The following TP63 variants were observed in gnomAD, a reference collection of about 807,000 sequenced individuals.
The protein encoded by TP63 is tumor protein 63.
TP63 carries 17 observed loss-of-function variants against 82.8 expected under a neutral mutation model. The observed-to-expected ratio is 0.21, with a 90% CI of 0.14 to 0.31. TP63 has a LOEUF of 0.31. Among genes scored for constraint, TP63 ranks in the 10% least tolerant of loss-of-function variants. TP63 has a pLI of 1.00. For missense variants in TP63, 648 were observed against 895.3 expected (o/e 0.72, Z 3.52); for synonymous variants, 330 against 321.7 (o/e 1.03, Z -0.28).
intron 4 of TP63, among the ~76,000 whole-genome samples, chr3:189,836,456 A>G (rs756444954): frequency 2.6e-5 from 4 of 152,186 alleles, no homozygotes; most frequent in Non-Finnish European, 5.9e-5. Flanking sequence ...TGGGCAAAGC[A>G]AAGCGTTTTT....
At chr3:189,601,323 G>A in the TP63 span, among the ~76,000 whole-genome samples, 1 of 152,112 alleles carries the variant, frequency 6.6e-6, no homozygotes, top group African/African-American at 2.4e-5. Flanking sequence ...CTTCAGAAAT[G>A]TCCACATCTA....
At chr3:189,603,650 TAA>T in the TP63 span, among the ~76,000 whole-genome samples, 11,626 of 50,704 alleles carry the variant, frequency 0.23, 1,259 homozygotes, top group Admixed American at 0.32. Flanking sequence ...TTGCCTTCAT[TAA>T]AAAAAAAAAA....
intron 1 of TP63, among the ~76,000 whole-genome samples, chr3:189,655,787 A>G (rs1286716121): frequency 6.6e-6 from 1 of 152,114 alleles, no homozygotes; most frequent in Non-Finnish European, 1.5e-5. Flanking sequence ...ACCCCTTGAC[A>G]CTTCAGTCTT....
intron 1 of TP63, among the ~76,000 whole-genome samples, chr3:189,703,705 C>G (rs1472730709): frequency 6.6e-6 from 1 of 152,182 alleles, no homozygotes; most frequent in Non-Finnish European, 1.5e-5. Context: ...ATTTTGGTCA[C>G]AGCATTGTCA....
rs180749093 is a variant in TP63, at chr3:189,634,714, T to C, written c.62+3137T>C. 1.2e-3 allele frequency among the ~76,000 whole-genome samples: 179 copies of C among 152,218 alleles called. 3 individuals are homozygous for C. Among genetic ancestry groups the C allele is most frequent in the Middle Eastern group, 6.8e-3 (2 of 294 alleles). On this transcript the variant is annotated intron_variant, in intron 1 of 13. Coordinates refer to ENST00000264731, the MANE Select transcript of TP63 (RefSeq NM_003722.5). ...ACTTAATTTTTAAAATATTGAACTATAGATGAAATTATAAAAGTTCAATAA... is the reference window on the plus strand; with the variant it reads ...ACTTAATTTTTAAAATATTGAACTACAGATGAAATTATAAAAGTTCAATAA...
rs1461839646 is a variant in TP63 at position 189,895,956 on chromosome 3, G to A, written c.*1454G>A. 4.4e-6 allele frequency: 1 copy of A among 229,558 alleles called. No individual in the cohort carries two copies. The highest frequency in any genetic ancestry group is 6.2e-5 in the East Asian group (1 of 16,092). The allele number at this position is 229,558 out of a possible 1,614,324, so 14.2% of individuals were successfully genotyped here. On this transcript the variant is annotated 3_prime_UTR_variant, in exon 14 of 14. Coordinates refer to ENST00000264731, the MANE Select transcript of TP63 (RefSeq NM_003722.5). ...CCATCTCCCTTAGGGACTACCCATA[G>A]ACATGAAAGGTCCCCACAGAGCAAG... is the stretch of plus-strand genomic sequence containing the variant.
At chr3:189,690,578 A>G (rs1285166301) in intron 1 of TP63, among the ~76,000 whole-genome samples, 1 of 152,216 alleles carries the variant, frequency 6.6e-6, no homozygotes, top group African/African-American at 2.4e-5. Flanking sequence ...TCCTATAGAC[A>G]CATTTATTTG....
intron 1 of TP63, among the ~76,000 whole-genome samples, chr3:189,711,871 T>C (rs1718620578): frequency 6.6e-6 from 1 of 152,090 alleles, no homozygotes; most frequent in Non-Finnish European, 1.5e-5. Context: ...AAGGCGGAGA[T>C]AGGTAGGCTG....
At chr3:189,708,633 G>A (rs1487122494) in intron 1 of TP63, among the ~76,000 whole-genome samples, 1 of 152,106 alleles carries the variant, frequency 6.6e-6, no homozygotes, top group African/African-American at 2.4e-5. Context: ...GGAAGCACGT[G>A]CAAGGGTGCT....
At chr3:189,603,964 T>C in the TP63 span, among the ~76,000 whole-genome samples, 1 of 152,146 alleles carries the variant, frequency 6.6e-6, no homozygotes, top group Non-Finnish European at 1.5e-5. Context: ...GCCAAGTTTC[T>C]ATTGATAATT....
At chr3:189,750,926 A>G (rs140216199) in intron 3 of TP63, among the ~76,000 whole-genome samples, 4,849 of 152,148 alleles carry the variant, frequency 0.032, 209 homozygotes, top group East Asian at 0.15. Flanking sequence ...CCATCAACTA[A>G]TCATTTGTAT....
At chr3:189,663,216 C>T (rs566197651) in intron 1 of TP63, among the ~76,000 whole-genome samples, 17 of 152,030 alleles carry the variant, frequency 1.1e-4, no homozygotes, top group African/African-American at 4.1e-4. Flanking sequence ...AATACTTTTA[C>T]GACATTGAGT....
At chr3:189,883,125 T>C (rs966925017) in intron 10 of TP63, among the ~76,000 whole-genome samples, 3 of 152,188 alleles carry the variant, frequency 2.0e-5, no homozygotes, top group Non-Finnish European at 4.4e-5. Context: ...TCCTTCTCTT[T>C]AGTTTCTCCA....
chr3:189,830,857 A>C (rs1260152747), intron 4 of TP63, among the ~76,000 whole-genome samples: 1 of 152,256 alleles, frequency 6.6e-6, no homozygotes, highest in Non-Finnish European at 1.5e-5. Flanking sequence ...GAAGGGAATG[A>C]ATATGTAAAG....
intron 4 of TP63, among the ~76,000 whole-genome samples, chr3:189,815,818 A>G (rs1245227643): frequency 6.6e-6 from 1 of 152,208 alleles, no homozygotes; most frequent in Non-Finnish European, 1.5e-5. Context: ...TTTATTCACA[A>G]GTAATAATTC....
At chr3:189,786,661 A>T in intron 3 of TP63, among the ~76,000 whole-genome samples, 1 of 151,916 alleles carries the variant, frequency 6.6e-6, no homozygotes, top group East Asian at 1.9e-4. Context: ...CAGCGCCGCC[A>T]TTTTTACCCA....
chr3:189,640,040 A>C (rs924115658), intron 1 of TP63, among the ~76,000 whole-genome samples: 7 of 151,860 alleles, frequency 4.6e-5, no homozygotes, highest in Middle Eastern at 3.2e-3. Flanking sequence ...CTTCTTTATT[A>C]TTTTCTGGCT....
intron 4 of TP63, among the ~76,000 whole-genome samples, chr3:189,822,414 T>G (rs1728889648): frequency 6.6e-6 from 1 of 152,160 alleles, no homozygotes; most frequent in Non-Finnish European, 1.5e-5. Context: ...TCCTGAGGGT[T>G]TAATCTGAAA....
At position 189,895,375 on chromosome 3, in the gene TP63, A is replaced by G. The variant is rs1232866982; in HGVS notation, c.*873A>G. 9.2e-6 allele frequency: 2 copies of G among 216,950 alleles called. No homozygotes were observed. The highest frequency in any genetic ancestry group is 1.9e-5 in the Non-Finnish European group (2 of 107,844). The allele number at this position is 216,950 out of a possible 1,614,324, so 13.4% of individuals were successfully genotyped here. ...CATATCAGTAACCCCCTTAAATTTA[A>G]TACCAGATACCTTATCTTACAATAT... On this transcript the variant is annotated 3_prime_UTR_variant, in exon 14 of 14. Transcript: ENST00000264731.
Sources: allele counts gnomAD v4.1 joint callset (sites outside exome capture counted in the v4.1 genomes callset), GRCh38; gene constraint gnomAD v4.1.1; transcripts MANE v1.5; gene names NCBI Gene and HGNC (gene_info 2026-07-23, HGNC 2026-07-21).